The following CDC14B variants were observed in gnomAD, a reference collection of about 807,000 sequenced individuals.
The protein encoded by CDC14B is cell division cycle 14B, also known as dual specificity protein phosphatase CDC14B.
A neutral mutation model predicts 64.2 loss-of-function variants in CDC14B; 22 were observed. The ratio of observed to expected loss-of-function variants is 0.34; its 90% CI spans 0.24 to 0.49. The LOEUF is 0.49. Ranked by LOEUF, CDC14B falls within the 20% of genes least tolerant of loss-of-function variation. The pLI is 0.99. For missense variants in CDC14B, 498 were observed against 629.9 expected, an observed-to-expected ratio of 0.79 and a Z score of 2.24; for synonymous variants, 191 against 215.8, an observed-to-expected ratio of 0.89 and a Z score of 1.01.
Position 96,551,822 on chromosome 9 carries a change from A to G in CDC14B, c.471T>C (p.Phe157=). The G allele has an allele frequency of 6.2e-7, 1 of 1,610,604 alleles. No homozygotes were observed. Among genetic ancestry groups the G allele is most frequent in the Admixed American group, 1.7e-5 (1 of 59,670 alleles). The change falls in exon 5 of 14, where the codon TTT becomes TTC. Residue 157 remains phenylalanine, a synonymous_variant. Transcript: ENST00000375241. ...TGAAAGGAATATAGGATGTCTCTCC[A>G]AAGATTAATATTCTATATGCTTCTT... The part of the protein sequence containing the change: ...TPEEAYRILI[F]GETSYIPFRD...
chr9:96,546,234 G>A (rs570750417), intron 5 of CDC14B, among the ~76,000 whole-genome samples: 2 of 152,224 alleles, frequency 1.3e-5, no homozygotes, highest in East Asian at 3.9e-4. Flanking sequence ...AAAAAAGGAT[G>A]AACTACTGAT....
intron 1 of CDC14B, among the ~76,000 whole-genome samples, chr9:96,578,168 TATA>T (rs1473863949): frequency 1.3e-5 from 2 of 152,232 alleles, no homozygotes; most frequent in Admixed American, 6.5e-5. Flanking sequence ...AACGTAAGTA[TATA>T]ATATTGGATT....
chr9:96,594,928 G>A (rs550299237), intron 1 of CDC14B, among the ~76,000 whole-genome samples: 5 of 152,152 alleles, frequency 3.3e-5, no homozygotes, highest in South Asian at 2.1e-4. Context: ...TGAGGCAGAC[G>A]GATCACGAGG....
chr9:96,615,964 C>G (rs1192913432), intron 1 of CDC14B, among the ~76,000 whole-genome samples: 3 of 152,112 alleles, frequency 2.0e-5, no homozygotes, highest in Non-Finnish European at 4.4e-5. Context: ...ACTGGAAAAC[C>G]CCCAAATAAC....
intron 13 of CDC14B, among the ~76,000 whole-genome samples, chr9:96,508,952 C>T (rs570370827): frequency 1.5e-3 from 221 of 152,296 alleles, no homozygotes; most frequent in African/African-American, 5.1e-3. Context: ...ACCAGGAGGA[C>T]AGAAACAGGA....
intron 12 of CDC14B, among the ~76,000 whole-genome samples, chr9:96,517,643 CAAAA>C (rs1016405679): frequency 2.9e-5 from 1 of 34,640 alleles, no homozygotes; most frequent in Non-Finnish European, 4.9e-5. Flanking sequence ...GACTCCGTCT[CAAAA>C]AAAAAAAAAA....
At chr9:96,519,662 C>T (rs1450102917) in intron 12 of CDC14B, among the ~76,000 whole-genome samples, 1 of 147,058 alleles carries the variant, frequency 6.8e-6, no homozygotes, top group Non-Finnish European at 1.5e-5. Flanking sequence ...ACCTGGGAGG[C>T]AGAGGTTGCA....
At chr9:96,504,083 G>T (rs888869704) in intron 13 of CDC14B, among the ~76,000 whole-genome samples, 1 of 152,170 alleles carries the variant, frequency 6.6e-6, no homozygotes, top group Non-Finnish European at 1.5e-5. Context: ...AGGGGCAGCA[G>T]GGCCAGGAAA....
rs994568310 is a variant in CDC14B, at chr9:96,539,088, T to C, written c.617A>G (p.Glu206Gly). Residue 206 changes from glutamate to glycine, a missense_variant, in exon 7 of 14, where the codon GAA (glutamate) becomes GGA (glycine). Transcript: ENST00000375241. Reference sequence around the variant, plus strand: ...TCCTTGAAGACTTACTTCATAGTGTTCATATTCATCAAGGTTAAATGAGTT... The same window carrying C: ...TCCTTGAAGACTTACTTCATAGTGTCCATATTCATCAAGGTTAAATGAGTT... ...NFNSFNLDEY[E>G]HYEKAENGDL... 1 of 1,604,220 alleles carries C rather than the reference T, an allele frequency of 6.2e-7. No homozygotes were observed. The highest frequency in any genetic ancestry group is 8.5e-7 in the Non-Finnish European group (1 of 1,171,118).
chr9:96,495,045 A>G (rs1000630010), intron 13 of CDC14B, among the ~76,000 whole-genome samples: 2 of 151,818 alleles, frequency 1.3e-5, no homozygotes, highest in African/African-American at 2.4e-5. Flanking sequence ...CGTGTTAGCC[A>G]GGATGGGCTC....
intron 1 of CDC14B, among the ~76,000 whole-genome samples, chr9:96,616,868 AG>A: frequency 6.6e-6 from 1 of 152,336 alleles, no homozygotes; most frequent in African/African-American, 2.4e-5. Flanking sequence ...ACAGGCCTCA[AG>A]CCTTCCCCCA....
chr9:96,550,786 G>T (rs547716214), intron 5 of CDC14B, among the ~76,000 whole-genome samples: 1 of 152,244 alleles, frequency 6.6e-6, no homozygotes, highest in Admixed American at 6.5e-5. Flanking sequence ...CTTGATTTAA[G>T]CACTAGTCTT....
At chr9:96,573,114 G>A (rs1325080684) in intron 1 of CDC14B, among the ~76,000 whole-genome samples, 1 of 152,082 alleles carries the variant, frequency 6.6e-6, no homozygotes, top group Non-Finnish European at 1.5e-5. Flanking sequence ...TTCAAGACCA[G>A]CACTACCAAA....
Position 96,619,512 on chromosome 9 carries a change from C to A in CDC14B, c.-134G>T. ...GCGGCGCTGCGGGGACGGCGGGCGC[C>A]GGCAGAGCCCGGCGGGAGGCGGTCG... On this transcript the variant is annotated 5_prime_UTR_variant, in exon 1 of 14. Coordinates refer to ENST00000375241, the MANE Select transcript of CDC14B (RefSeq NM_033331.4). 1 of 264,674 alleles carries A rather than the reference C, an allele frequency of 3.8e-6. No individual in the cohort carries two copies. Among genetic ancestry groups the A allele is most frequent in the Non-Finnish European group, 5.7e-6 (1 of 174,554 alleles). 16.4% of individuals were successfully genotyped at this position (264,674 alleles called of 1,614,324 possible).
In CDC14B at chr9:96,538,928, T is replaced by C. The variant is rs1839661014; in HGVS notation, c.627+150A>G. 4 of 612,352 alleles carry C rather than the reference T, an allele frequency of 6.5e-6. No individual in the cohort carries two copies. The Admixed American group carries it at 1.2e-4, about 18-fold the overall frequency. The allele number at this position is 612,352 out of a possible 1,614,324, so 37.9% of individuals were successfully genotyped here. ...TGAGGTGATGAATATGTTAATTAGC[T>C]TGATTAGGTAATCATTTCATGGTGT... On this transcript the variant is annotated intron_variant, in intron 7 of 13. Coordinates refer to ENST00000375241, the MANE Select transcript of CDC14B (RefSeq NM_033331.4).
intron 1 of CDC14B, among the ~76,000 whole-genome samples, chr9:96,588,247 C>T (rs1326626929): frequency 2.6e-5 from 4 of 152,106 alleles, no homozygotes; most frequent in Non-Finnish European, 4.4e-5. Flanking sequence ...AAGGAGTGTG[C>T]TGCTTTTACT....
In CDC14B at chr9:96,523,810, CT is replaced by C. The variant is rs377693455; in HGVS notation, c.947-86del. On this transcript the variant is annotated intron_variant, in intron 9 of 13. Coordinates refer to ENST00000375241, the MANE Select transcript of CDC14B (RefSeq NM_033331.4). ...GGGCAGGCAGAATTTTTTTAAAAGG[CT>C]TCTCATGACTCTGCTTCTTTCAATA... 2,291 of 1,333,014 alleles carry C rather than the reference CT, an allele frequency of 1.7e-3. 44 individuals are homozygous for C. The African/African-American group carries it at 0.028, about 16-fold the overall frequency. 82.6% of individuals were successfully genotyped at this position (1,333,014 alleles called of 1,614,324 possible).
intron 1 of CDC14B, among the ~76,000 whole-genome samples, chr9:96,594,432 G>A (rs1305095151): frequency 6.6e-6 from 1 of 152,152 alleles, no homozygotes; most frequent in Non-Finnish European, 1.5e-5. Flanking sequence ...AGACCCAGGA[G>A]AGGGTGGCCG....
At position 96,502,777 on chromosome 9, in the gene CDC14B, C is replaced by A. The variant is rs1485167134; in HGVS notation, c.*976G>T. On this transcript the variant is annotated 3_prime_UTR_variant, in exon 14 of 14. Coordinates refer to ENST00000375241, the MANE Select transcript of CDC14B (RefSeq NM_033331.4). ...TCATTGTCACTGAGATCGCAGGCCA[C>A]GTCAATGGCCTTAGGTGGATCTCAT... The A allele has an allele frequency of 2.5e-6, 1 of 396,754 alleles. No individual in the cohort carries two copies. Among genetic ancestry groups the A allele is most frequent in the South Asian group, 1.3e-4 (1 of 7,812 alleles). The allele number at this position is 396,754 out of a possible 1,614,324, so 24.6% of individuals were successfully genotyped here. A position where few individuals can be genotyped will look rare whatever the true frequency, so the allele number is the denominator to read the frequency against.
Sources: allele counts gnomAD v4.1 joint callset (sites outside exome capture counted in the v4.1 genomes callset), GRCh38; gene constraint gnomAD v4.1.1; transcripts MANE v1.5; gene names NCBI Gene and HGNC (gene_info 2026-07-23, HGNC 2026-07-21).